Variants in ADGRL3 observed in about 807,000 individuals in gnomAD.
The protein encoded by ADGRL3 is adhesion G protein-coupled receptor L3, also known as calcium-independent alpha-latrotoxin receptor 3.
A neutral mutation model predicts 153.5 loss-of-function variants in ADGRL3; 62 were observed. The observed-to-expected ratio is 0.40, with a 90% CI of 0.33 to 0.50. The LOEUF (loss-of-function observed/expected upper bound fraction) is 0.50. Ranked by LOEUF, ADGRL3 falls within the 20% of genes least tolerant of loss-of-function variation. ADGRL3 has a pLI of 0.47. For synonymous variants in ADGRL3, 710 were observed against 672.5 expected (o/e 1.06, Z -0.86); for missense variants, 1,641 against 1,859.4 (o/e 0.88, Z 2.16).
intron 1 of ADGRL3, among the ~76,000 whole-genome samples, chr4:61,317,314 CT>C (rs555328330): frequency 3.3e-4 from 50 of 152,258 alleles, no homozygotes; most frequent in African/African-American, 1.2e-3. Context: ...ATTATTTTAA[CT>C]TTTTAAAAAT....
At chr4:61,794,881 A>C (rs1198555044) in intron 8 of ADGRL3, among the ~76,000 whole-genome samples, 1 of 152,074 alleles carries the variant, frequency 6.6e-6, no homozygotes, top group Non-Finnish European at 1.5e-5. Flanking sequence ...CTTAACTGTA[A>C]ATTATTTTAA....
chr4:61,572,629 AC>A (rs977019133), intron 4 of ADGRL3, among the ~76,000 whole-genome samples: 1 of 152,076 alleles, frequency 6.6e-6, no homozygotes, highest in Non-Finnish European at 1.5e-5. Flanking sequence ...AGAAATTTTA[AC>A]CCATGGCCTC....
At chr4:61,972,403 A>T (rs2099031657) in intron 17 of ADGRL3, among the ~76,000 whole-genome samples, 1 of 152,160 alleles carries the variant, frequency 6.6e-6, no homozygotes, top group African/African-American at 2.4e-5. Context: ...AGCACCATTT[A>T]TTAAATAGGG....
At chr4:61,749,316 T>C (rs1262300552) in intron 8 of ADGRL3, among the ~76,000 whole-genome samples, 1 of 151,942 alleles carries the variant, frequency 6.6e-6, no homozygotes, top group Non-Finnish European at 1.5e-5. Flanking sequence ...TCCTCAGGGA[T>C]CTAGAACTAG....
chr4:61,424,753 A>G (rs1310857304), intron 2 of ADGRL3, among the ~76,000 whole-genome samples: 1 of 152,228 alleles, frequency 6.6e-6, no homozygotes, highest in East Asian at 1.9e-4. Flanking sequence ...GAGGAGGGTG[A>G]CTTGGGTGTA....
At chr4:61,711,072 A>T (rs189788973) in intron 6 of ADGRL3, among the ~76,000 whole-genome samples, 27 of 152,278 alleles carry the variant, frequency 1.8e-4, no homozygotes, top group Non-Finnish European at 2.9e-5. Flanking sequence ...GGCTATGTCC[A>T]TGAAAGTTAC....
intron 4 of ADGRL3, among the ~76,000 whole-genome samples, chr4:61,576,096 A>T (rs766650702): frequency 5.3e-5 from 8 of 152,030 alleles, no homozygotes; most frequent in Admixed American, 1.3e-4. Context: ...ATAGCTTTAG[A>T]AAGTTAAGTG....
intron 17 of ADGRL3, among the ~76,000 whole-genome samples, chr4:61,962,688 A>G (rs1158812342): frequency 3.9e-5 from 6 of 152,182 alleles, no homozygotes; most frequent in African/African-American, 1.4e-4. Flanking sequence ...AGTTACTATC[A>G]ATTTAGTCAT....
At chr4:62,002,886 C>T (rs1432984917) in intron 21 of ADGRL3, among the ~76,000 whole-genome samples, 1 of 152,006 alleles carries the variant, frequency 6.6e-6, no homozygotes, top group African/African-American at 2.4e-5. Flanking sequence ...GTTACCAGCA[C>T]AAAATTAACT....
At chr4:61,346,756 C>G (rs1265917464) in intron 1 of ADGRL3, among the ~76,000 whole-genome samples, 1 of 141,960 alleles carries the variant, frequency 7.0e-6, no homozygotes, top group Non-Finnish European at 1.5e-5. Context: ...GGACTCCAGC[C>G]TGGGCATCAA....
At chr4:61,842,121 T>G (rs1415097232) in intron 9 of ADGRL3, among the ~76,000 whole-genome samples, 9 of 152,192 alleles carry the variant, frequency 5.9e-5, no homozygotes, top group Non-Finnish European at 2.9e-5. Flanking sequence ...CACTAGTGAA[T>G]AAATTCTATA....
intron 5 of ADGRL3, among the ~76,000 whole-genome samples, chr4:61,611,129 C>T (rs1023444269): frequency 4.6e-5 from 7 of 152,130 alleles, no homozygotes; most frequent in Non-Finnish European, 8.8e-5. Context: ...AGAGTTGATG[C>T]TTAACAGGTA....
chr4:61,745,337 C>A (rs766213423), intron 8 of ADGRL3, among the ~76,000 whole-genome samples: 2 of 152,116 alleles, frequency 1.3e-5, no homozygotes, highest in Non-Finnish European at 2.9e-5. Context: ...GGCCAACATT[C>A]AGACTCAGGA....
rs770555518 is a variant in ADGRL3, at chr4:61,946,939, G to A, written c.2445G>A (p.Leu815=). The change falls in exon 16 of 27, where the codon CTG becomes CTA. Residue 815 remains leucine (L), a synonymous_variant. Coordinates refer to ENST00000683033, the MANE Select transcript of ADGRL3 (RefSeq NM_001387552.1). ...GAGAGATCAGAGTGGCCTTTGTCCT[G>A]TATAACAACTTGGGTCCTTATTTAT... ...RNGEIRVAFV[L]YNNLGPYLST... The A allele has an allele frequency of 3.7e-6, 6 of 1,613,686 alleles. No individual in the cohort carries two copies. The highest frequency in any genetic ancestry group is 1.3e-5 in the African/African-American group (1 of 74,902).
chr4:61,619,612 C>T (rs1258689448), intron 5 of ADGRL3, among the ~76,000 whole-genome samples: 1 of 151,966 alleles, frequency 6.6e-6, no homozygotes, highest in South Asian at 2.1e-4. Context: ...TTACAGCAAC[C>T]TTTATGATAT....
intron 6 of ADGRL3, among the ~76,000 whole-genome samples, chr4:61,723,826 A>C (rs1430014851): frequency 6.6e-6 from 1 of 152,168 alleles, no homozygotes; most frequent in East Asian, 1.9e-4. Flanking sequence ...GCTTTTTATT[A>C]AAAGAAAAAG....
intron 2 of ADGRL3, among the ~76,000 whole-genome samples, chr4:61,482,403 C>T (rs1476174364): frequency 6.6e-6 from 1 of 152,110 alleles, no homozygotes; most frequent in Non-Finnish European, 1.5e-5. Flanking sequence ...CCATCACAGT[C>T]AATCTGTGTT....
intron 15 of ADGRL3, among the ~76,000 whole-genome samples, chr4:61,945,961 C>G (rs1309609789): frequency 6.6e-6 from 1 of 152,078 alleles, no homozygotes; most frequent in South Asian, 2.1e-4. Context: ...GGCTCCTCCT[C>G]CTAGTATATT....
intron 1 of ADGRL3, among the ~76,000 whole-genome samples, chr4:61,276,822 A>C (rs1038740813): frequency 2.6e-5 from 4 of 152,040 alleles, no homozygotes; most frequent in African/African-American, 4.8e-5. Context: ...ACTGCTTAAC[A>C]CTCATATTGT....
Sources: allele counts gnomAD v4.1 joint callset (sites outside exome capture counted in the v4.1 genomes callset), GRCh38; gene constraint gnomAD v4.1.1; transcripts MANE v1.5; gene names NCBI Gene and HGNC (gene_info 2026-07-23, HGNC 2026-07-21).